The following POC1B variants were observed in gnomAD, a reference collection of about 807,000 sequenced individuals.
The protein encoded by POC1B is POC1 centriolar protein B, also known as POC1 centriolar protein homolog B.
In POC1B, 44 loss-of-function variants were observed where a neutral mutation model predicts 60.6. The observed-to-expected ratio is 0.73, with a 90% CI of 0.57 to 0.93. The LOEUF is 0.93. Ranked by LOEUF, POC1B falls within the 40% of genes least tolerant of loss-of-function variation. The pLI is 0.00. For missense variants in POC1B, 555 were observed against 572.3 expected, an observed-to-expected ratio of 0.97 and a Z score of 0.31; for synonymous variants, 180 against 198.9, an observed-to-expected ratio of 0.90 and a Z score of 0.80.
chr12:89,524,976 G>T, intron 2 of POC1B, 144 bp downstream of exon 2: 1 of 1,288,856 alleles, frequency 7.8e-7, no homozygotes, highest in South Asian at 1.4e-5. Context: ...GCGCCCCGCC[G>T]CGCTGGGCCC....
At chr12:89,416,993 T>C (rs975817059), downstream of POC1B, among the ~76,000 whole-genome samples, 2 of 152,196 alleles carry the variant, frequency 1.3e-5, no homozygotes, top group African/African-American at 4.8e-5. Flanking sequence ...ACTTACCTTC[T>C]TTCCACATAG....
intron 9 of POC1B, among the ~76,000 whole-genome samples, chr12:89,463,241 T>C (rs1490108019): frequency 1.3e-5 from 2 of 152,220 alleles, no homozygotes; most frequent in African/African-American, 4.8e-5. Context: ...CATCAGAACA[T>C]TATTTTATTA....
intron 1 of POC1B, 59 bp from the exon 2 acceptor site, chr12:89,525,263 G>A: frequency 6.4e-7 from 1 of 1,558,748 alleles, no homozygotes; most frequent in Admixed American, 1.8e-5. Context: ...TCTGGCGGCT[G>A]GGATCCACGC....
chr12:89,445,312 CAA>C (rs1356694335), intron 10 of POC1B, among the ~76,000 whole-genome samples: 2 of 152,050 alleles, frequency 1.3e-5, no homozygotes, highest in African/African-American at 4.8e-5. Flanking sequence ...AATCCTAAGC[CAA>C]AAGAACAAAG....
chr12:89,486,779 A>G (rs958993386), intron 4 of POC1B, among the ~76,000 whole-genome samples: 10 of 152,138 alleles, frequency 6.6e-5, no homozygotes, highest in Non-Finnish European at 2.9e-5. Context: ...TTGACCGGGT[A>G]AGAAGATTTC....
rs780952919 is a variant in POC1B at position 89,526,036 on chromosome 12, G to T, written c.-141C>A. 1.3e-6 allele frequency: 2 copies of T among 1,534,730 alleles called. No individual in the cohort carries two copies. Among genetic ancestry groups the T allele is most frequent in the African/African-American group, 2.7e-5 (2 of 72,902 alleles). On this transcript the variant is annotated 5_prime_UTR_variant, in exon 1 of 12. Coordinates refer to ENST00000313546, the MANE Select transcript of POC1B (RefSeq NM_172240.3). ...AGCGCCTCCCGGTCACTACAACAAC[G>T]GCGGCCCAGTCAAACCCCGCGCTCC...
intron 6 of POC1B, 22 bp downstream of exon 6, chr12:89,471,592 T>A (rs1484072475): frequency 1.3e-6 from 2 of 1,571,400 alleles, no homozygotes; most frequent in Non-Finnish European, 1.7e-6. Flanking sequence ...GTAACTGAAT[T>A]TTTTGTTAGG....
At chr12:89,433,532 GA>G (rs1881127468) in intron 10 of POC1B, among the ~76,000 whole-genome samples, 1 of 152,172 alleles carries the variant, frequency 6.6e-6, no homozygotes, top group Admixed American at 6.5e-5. Flanking sequence ...AACAGAGGGA[GA>G]AAGGGACAAG....
the POC1B span, among the ~76,000 whole-genome samples, chr12:89,402,762 C>T: frequency 6.6e-6 from 1 of 152,026 alleles, no homozygotes; most frequent in Admixed American, 6.6e-5. Flanking sequence ...TTTTTTGAGA[C>T]AAGGTCTCGC....
Position 89,467,698 on chromosome 12 carries a change from G to A in POC1B, c.811-13C>T. On this transcript the variant is annotated splice_polypyrimidine_tract_variant and intron_variant, in intron 7 of 11. Coordinates refer to ENST00000313546, the MANE Select transcript of POC1B (RefSeq NM_172240.3). ...TAAAGACAGGTCCCTGAGAAATAAA[G>A]GGAAATAAAGAAAAAAAGTACTTGG... 1 of 1,596,586 alleles carries A rather than the reference G, an allele frequency of 6.3e-7. No homozygotes were observed.
chr12:89,470,622 C>T (rs891860463), intron 6 of POC1B, 128 bp from the exon 7 acceptor site: 31 of 623,398 alleles, frequency 5.0e-5, no homozygotes, highest in Non-Finnish European at 6.5e-5. Flanking sequence ...CTCTATATGG[C>T]TCACTAAAAC....
In POC1B at chr12:89,505,083, A is replaced by T. The variant is rs115247213; in HGVS notation, c.101-7741T>A. Among the ~76,000 whole-genome samples the T allele has an allele frequency of 1.4e-3, 207 of 152,368 alleles. 1 individual carries two copies. Among genetic ancestry groups the T allele is most frequent in the African/African-American group, 4.4e-3 (184 of 41,584 alleles). On this transcript the variant is annotated intron_variant, in intron 2 of 11. Transcript: ENST00000313546. ...CCATATGGTCAATAAACATATGAAA[A>T]TGTGCTCAATTCCATTAGTCATCAC...
intron 4 of POC1B, among the ~76,000 whole-genome samples, chr12:89,483,458 T>C (rs1024266449): frequency 2.6e-5 from 4 of 152,180 alleles, no homozygotes; most frequent in Admixed American, 6.5e-5. Context: ...GTTTCCTGGC[T>C]CATAAATGAC....
rs768381792 is a variant in POC1B at position 89,459,694 on chromosome 12, C to T, written c.1057G>A (p.Asp353Asn). The change falls in exon 10 of 12, where the codon GAT (aspartate) becomes AAT (asparagine). Residue 353 changes from aspartate to asparagine, a missense_variant. Transcript: ENST00000313546. ...ACAGGGGGAGTAGAGATCTGCAAAT[C>T]GATTACCTCAAGCTTTGGATTAATC... Reference protein sequence around the residue: ...VEINPKLEVIDLQISTPPVMD... With the variant: ...VEINPKLEVINLQISTPPVMD... 1.6e-5 allele frequency: 24 copies of T among 1,536,820 alleles called. No homozygotes were observed. Among genetic ancestry groups the T allele is most frequent in the Admixed American group, 5.8e-5 (3 of 51,450 alleles).
At chr12:89,459,894 A>G (rs959795398) in intron 9 of POC1B, 176 bp from the exon 10 acceptor site, 1 of 484,800 alleles carries the variant, frequency 2.1e-6, no homozygotes, top group Non-Finnish European at 3.7e-6. Context: ...AATTCTATCA[A>G]CGTATAAGAA....
chr12:89,510,012 ATT>A (rs11411488), intron 2 of POC1B, among the ~76,000 whole-genome samples: 1 of 151,624 alleles, frequency 6.6e-6, no homozygotes, highest in African/African-American at 2.4e-5. Context: ...CACTCAGTTA[ATT>A]TTTTTTGTAT....
the POC1B span, among the ~76,000 whole-genome samples, chr12:89,402,369 A>C: frequency 6.2e-5 from 8 of 129,710 alleles, no homozygotes; most frequent in East Asian, 1.0e-3. Flanking sequence ...ACACACACAC[A>C]CCCCTTTAAA....
intron 1 of POC1B, 153 bp from the exon 2 acceptor site, chr12:89,525,357 A>C: frequency 7.0e-7 from 1 of 1,427,984 alleles, no homozygotes; most frequent in Non-Finnish European, 9.1e-7. Flanking sequence ...CAGCCCACCC[A>C]CGGGCGCGGC....
At chr12:89,445,758 G>A (rs2120744391) in intron 10 of POC1B, among the ~76,000 whole-genome samples, 1 of 152,234 alleles carries the variant, frequency 6.6e-6, no homozygotes, top group Non-Finnish European at 1.5e-5. Context: ...TTGACAAATG[G>A]GATCTAATTA....
Sources: gnomAD v4.1 joint callset for allele counts (sites outside exome capture counted in the v4.1 genomes callset) on GRCh38, gnomAD v4.1.1 for gene constraint, MANE v1.5 for transcripts, NCBI Gene and HGNC (gene_info 2026-07-23, HGNC 2026-07-21) for gene names.